The following SYNE1 variants were observed in gnomAD, a reference collection of about 807,000 sequenced individuals.
SYNE1 encodes the protein spectrin repeat containing nuclear envelope protein 1.
Under a neutral mutation model 1,111.0 loss-of-function variants are expected in SYNE1, and 616 were observed. The ratio of observed to expected loss-of-function variants is 0.55; its 90% CI spans 0.52 to 0.59. The LOEUF (loss-of-function observed/expected upper bound fraction) is 0.59. Among genes scored for constraint, SYNE1 ranks in the 20% least tolerant of loss-of-function variants. The pLI is 0.00. For synonymous variants in SYNE1, 3,855 were observed against 3,825.8 expected, an observed-to-expected ratio of 1.01 and a Z score of -0.28; for missense variants, 10,006 against 10,417.0, an observed-to-expected ratio of 0.96 and a Z score of 1.72.
intron 3 of SYNE1, among the ~76,000 whole-genome samples, chr6:152,577,318 C>T (rs952262512): frequency 1.3e-5 from 2 of 152,176 alleles, no homozygotes; most frequent in African/African-American, 2.4e-5. Context: ...GAAATGACAT[C>T]GTTACTGCAT....
intron 119 of SYNE1, among the ~76,000 whole-genome samples, chr6:152,219,879 G>A (rs891271717): frequency 6.6e-6 from 1 of 152,166 alleles, no homozygotes; most frequent in African/African-American, 2.4e-5. Flanking sequence ...TCCTATCATT[G>A]AGAGATAATA....
chr6:152,554,541 T>G (rs1564819780), intron 3 of SYNE1, among the ~76,000 whole-genome samples: 4 of 152,174 alleles, frequency 2.6e-5, no homozygotes, highest in Non-Finnish European at 5.9e-5. Flanking sequence ...CTCCAAACCA[T>G]CTTAGACATC....
Position 152,442,167 on chromosome 6 carries a change from G to GC in SYNE1, c.3915dup (p.Leu1306AlafsTer3). Reference sequence around the variant, plus strand: ...AGCTCCTCGTGGCCTCGGTCAGGCAGCCCCCCTTCTCCCTGCTGCGCCTGC... The same window carrying GC: ...AGCTCCTCGTGGCCTCGGTCAGGCAGCCCCCCCTTCTCCCTGCTGCGCCTGC... On this transcript the variant is annotated frameshift_variant, in exon 31 of 146. Transcript: ENST00000367255. LOFTEE classifies it high-confidence loss of function. 10 of 1,613,762 alleles carry GC rather than the reference G, an allele frequency of 6.2e-6. No homozygotes were observed. Among genetic ancestry groups the GC allele is most frequent in the South Asian group, 1.1e-5 (1 of 91,082 alleles).
At chr6:152,528,390 T>TTTTTGCC (rs2099175456) in intron 4 of SYNE1, among the ~76,000 whole-genome samples, 1 of 152,186 alleles carries the variant, frequency 6.6e-6, no homozygotes, top group Non-Finnish European at 1.5e-5. Flanking sequence ...AATTAGTAAT[T>TTTTTGCC]ACTGGACAAG....
chr6:152,236,256 T>C lies in SYNE1; in HGVS notation c.20247A>G (p.Val6749=). 1.2e-6 allele frequency: 2 copies of C among 1,614,140 alleles called. No homozygotes were observed. Among genetic ancestry groups the C allele is most frequent in the Non-Finnish European group, 1.7e-6 (2 of 1,179,988 alleles). ...TCAGAAGTCGTTTCCCATCATCTAA[T>C]ACTTGATATAATTTGGGCTGGTATT... The part of the protein sequence containing the change: ...LNEYQPKLYQ[V]LDDGKRLLIS... The change falls in exon 110 of 146, where the codon GTA becomes GTG. Residue 6749 remains valine, a synonymous_variant. Transcript: ENST00000367255.
chr6:152,271,436 T>C (rs937663469), intron 98 of SYNE1, among the ~76,000 whole-genome samples: 1 of 152,114 alleles, frequency 6.6e-6, no homozygotes, highest in Non-Finnish European at 1.5e-5. Context: ...GAGATTGCAG[T>C]TTAGGTAGAA....
At chr6:152,179,673 C>CTT (rs796260764) in intron 129 of SYNE1, among the ~76,000 whole-genome samples, 2,754 of 55,066 alleles carry the variant, frequency 0.05, 922 homozygotes, top group African/African-American at 0.077. Flanking sequence ...GCTGGATATC[C>CTT]TTTTTTTTTT....
chr6:152,327,711 C>A lies in SYNE1; in HGVS notation c.14956-1078G>T, dbSNP rs539756779. Among the ~76,000 whole-genome samples, 134 of 152,260 alleles carry A rather than the reference C, an allele frequency of 8.8e-4. 2 individuals carry two copies. The highest frequency in any genetic ancestry group is 3.0e-3 in the African/African-American group (124 of 41,552). On this transcript the variant is annotated intron_variant, in intron 78 of 145. Transcript: ENST00000367255. ...AGATAATCAATAAGACAAGATGGCACAAGCAGAGACATCTTAGTAGATTTA... is the reference window on the plus strand; with the variant it reads ...AGATAATCAATAAGACAAGATGGCAAAAGCAGAGACATCTTAGTAGATTTA...
rs528746056 is a variant in SYNE1 at position 152,282,768 on chromosome 6, A to G, written c.18208-788T>C. Among the ~76,000 whole-genome samples, 133 of 152,280 alleles carry G rather than the reference A, an allele frequency of 8.7e-4. 1 individual carries two copies. The highest frequency in any genetic ancestry group is 3.1e-3 in the African/African-American group (130 of 41,568). ...AGTAGGGCAGACACATCGGCTTTAA[A>G]TTTCTCTAATACAAGAAGTATTAGG... On this transcript the variant is annotated intron_variant, in intron 96 of 145. Transcript: ENST00000367255.
chr6:152,465,193 G>T, intron 18 of SYNE1, 65 bp downstream of exon 18: 1 of 1,530,522 alleles, frequency 6.5e-7, no homozygotes, highest in Admixed American at 1.7e-5. Context: ...AGTGAGCTAC[G>T]CTGTAAAAGT....
At position 152,430,489 on chromosome 6, in the gene SYNE1, AG is replaced by A. The variant is rs757589670; in HGVS notation, c.4681del (p.Arg1562GlufsTer44). 1 of 1,613,616 alleles carries A rather than the reference AG, an allele frequency of 6.2e-7. No individual in the cohort carries two copies. Among genetic ancestry groups the A allele is most frequent in the African/African-American group, 1.3e-5 (1 of 74,900 alleles). On this transcript the variant is annotated frameshift_variant, in exon 35 of 146. Transcript: ENST00000367255. LOFTEE classifies it high-confidence loss of function. The part of the protein sequence containing the change: ...LSQQQKFEEN[L>X]RKIQQSVSEF... The stretch of plus-strand genomic sequence containing the variant: ...AGGTGGATCAATTCTTACCTTTCTA[AG>A]GTTCTCTTCAAACTTTTGCTGCTGA...
intron 97 of SYNE1, among the ~76,000 whole-genome samples, chr6:152,281,297 C>T (rs1436775210): frequency 6.6e-6 from 1 of 152,140 alleles, no homozygotes; most frequent in African/African-American, 2.4e-5. Flanking sequence ...ACAGTAATTC[C>T]TAGAGCCCTA....
rs765957279 is a variant in SYNE1, at chr6:152,359,354, ATCCTGGAGT to A, written c.10395_10403del (p.Glu3465_Gln3467del). ...GGATGGCTCTGTATCGTTCCTGTAG[ATCCTGGAGT>A]TCTAGCTGGGTGACATAGTGTTCTG... On this transcript the variant is annotated inframe_deletion, in exon 65 of 146. Coordinates refer to ENST00000367255, the MANE Select transcript of SYNE1 (RefSeq NM_182961.4). The A allele has an allele frequency of 6.2e-7, 1 of 1,614,002 alleles. No individual in the cohort carries two copies. Among genetic ancestry groups the A allele is most frequent in the African/African-American group, 1.3e-5 (1 of 74,906 alleles).
At chr6:152,560,679 T>G (rs560384884) in intron 3 of SYNE1, among the ~76,000 whole-genome samples, 1 of 151,928 alleles carries the variant, frequency 6.6e-6, no homozygotes, top group Non-Finnish European at 1.5e-5. Flanking sequence ...GACATGAAAA[T>G]TCTCAATGAA....
chr6:152,496,645 A>C (rs918090180), intron 11 of SYNE1, among the ~76,000 whole-genome samples: 1 of 152,058 alleles, frequency 6.6e-6, no homozygotes, highest in Non-Finnish European at 1.5e-5. Flanking sequence ...ACATCAGCCC[A>C]ATCCTGCTCG....
At chr6:152,142,471 G>C (rs188839916) in intron 138 of SYNE1, among the ~76,000 whole-genome samples, 240 of 152,062 alleles carry the variant, frequency 1.6e-3, no homozygotes, top group Middle Eastern at 3.4e-3. Context: ...AGGCATCAAG[G>C]GACTAAATTC....
At chr6:152,275,912 C>T (rs1433055822) in intron 98 of SYNE1, among the ~76,000 whole-genome samples, 1 of 150,584 alleles carries the variant, frequency 6.6e-6, no homozygotes, top group Non-Finnish European at 1.5e-5. Context: ...AATCCACACA[C>T]ATATATGATA....
chr6:152,319,451 T>C (rs1430850813), intron 84 of SYNE1, among the ~76,000 whole-genome samples: 1 of 152,210 alleles, frequency 6.6e-6, no homozygotes, highest in Admixed American at 6.5e-5. Flanking sequence ...TTTTAATAAA[T>C]GACTCTTAAT....
intron 3 of SYNE1, among the ~76,000 whole-genome samples, chr6:152,567,979 T>C (rs1006706529): frequency 1.6e-4 from 25 of 152,110 alleles, no homozygotes; most frequent in African/African-American, 6.0e-4. Context: ...GATCATTTGA[T>C]GAATAGTTTA....
Sources: gnomAD v4.1 joint callset for allele counts (sites outside exome capture counted in the v4.1 genomes callset) on GRCh38, gnomAD v4.1.1 for gene constraint, MANE v1.5 for transcripts, NCBI Gene and HGNC (gene_info 2026-07-23, HGNC 2026-07-21) for gene names.